Variants in PI4KA observed in about 807,000 individuals in gnomAD.
The protein encoded by PI4KA is PI4-kinase alpha.
In PI4KA, 122 loss-of-function variants were observed where a neutral mutation model predicts 271.4. The observed-to-expected ratio is 0.45, with a 90% CI of 0.39 to 0.52. The LOEUF (loss-of-function observed/expected upper bound fraction) is 0.52, where lower values mean the gene tolerates loss of function less well. PI4KA is among the 20% of genes least tolerant of loss of function. The pLI is 0.00. For missense variants in PI4KA, 1,969 were observed against 2,769.1 expected (o/e 0.71, Z 6.48); for synonymous variants, 1,041 against 1,078.8 (o/e 0.96, Z 0.69).
intron 1 of PI4KA, among the ~76,000 whole-genome samples, chr22:20,842,832 C>T (rs1925729280): frequency 1.4e-5 from 2 of 147,696 alleles, no homozygotes; most frequent in African/African-American, 5.0e-5. Context: ...AAAAAAAGGC[C>T]GGGCGCAGTG....
intron 10 of PI4KA, among the ~76,000 whole-genome samples, chr22:20,806,883 A>G (rs562780604): frequency 6.6e-6 from 1 of 151,684 alleles, no homozygotes; most frequent in African/African-American, 2.4e-5. Context: ...GGTGCATGCC[A>G]CTGCGCCTGG....
chr22:20,849,389 C>T lies in PI4KA; in HGVS notation c.156+9181G>A, dbSNP rs141748027. On this transcript the variant is annotated intron_variant, in intron 1 of 54. Transcript: ENST00000255882. Reference sequence around the variant, plus strand: ...AAATATGTCTACAGAAACACTTGTACGTGAATTTCCATAGCAGCGTTATTT... The same window carrying T: ...AAATATGTCTACAGAAACACTTGTATGTGAATTTCCATAGCAGCGTTATTT... Among the ~76,000 whole-genome samples, 1,364 of 152,222 alleles carry T rather than the reference C, an allele frequency of 9.0e-3. 19 individuals carry two copies. Among genetic ancestry groups the T allele is most frequent in the African/African-American group, 0.031 (1,303 of 41,520 alleles).
At position 20,729,329 on chromosome 22, in the gene PI4KA, C is replaced by T. The variant is rs144363917; in HGVS notation, c.4666G>A (p.Val1556Met). 377 of 1,613,446 alleles carry T rather than the reference C, an allele frequency of 2.3e-4. No individual in the cohort carries two copies. Among genetic ancestry groups the T allele is most frequent in the Admixed American group, 4.3e-4 (26 of 59,992 alleles). The change falls in exon 39 of 55, where the codon GTG becomes ATG. Residue 1556 changes from valine (V) to methionine (M), a missense_variant. Physicochemically the swap from Val to Met is conservative, Grantham distance 21. Coordinates refer to ENST00000255882, the MANE Select transcript of PI4KA (RefSeq NM_058004.4). The stretch of plus-strand genomic sequence containing the variant: ...GGGGCCCACCTGGCAGGCAGCTGCA[C>T]GGCTAGGTAGGGAGAGATGCTCCAG... ...LAWSISPYLA[V>M]QLPARFKNTE...
rs185894283 is a variant in PI4KA at position 20,716,977 on chromosome 22, G to A, written c.5317+731C>T. Among the ~76,000 whole-genome samples the A allele has an allele frequency of 5.6e-3, 853 of 152,274 alleles. 5 individuals are homozygous for A. Among genetic ancestry groups the A allele is most frequent in the African/African-American group, 0.019 (791 of 41,556 alleles). The stretch of plus-strand genomic sequence containing the variant: ...AATGCAGAGAGAGGCCGGGCACAGT[G>A]GCTCATGCCTGTAATCCTAGCACTT... On this transcript the variant is annotated intron_variant, in intron 45 of 54. Transcript: ENST00000255882.
chr22:20,755,416 T>C (rs1479530966), intron 23 of PI4KA, among the ~76,000 whole-genome samples: 2 of 152,214 alleles, frequency 1.3e-5, no homozygotes, highest in African/African-American at 4.8e-5. Flanking sequence ...CATGGAGCCC[T>C]GGTTCCTTTT....
intron 7 of PI4KA, among the ~76,000 whole-genome samples, chr22:20,815,140 T>C (rs1227147078): frequency 6.6e-6 from 1 of 152,060 alleles, no homozygotes; most frequent in Non-Finnish European, 1.5e-5. Flanking sequence ...CCCAGTACTT[T>C]GGGAGGCCGA....
chr22:20,762,094 AT>A (rs1932025542), intron 22 of PI4KA, among the ~76,000 whole-genome samples: 1 of 152,098 alleles, frequency 6.6e-6, no homozygotes, highest in African/African-American at 2.4e-5. Context: ...GGTAAAAAAA[AT>A]ATCTTTAACC....
chr22:20,819,555 C>T, intron 6 of PI4KA, 86 bp downstream of exon 6: 2 of 1,258,680 alleles, frequency 1.6e-6, no homozygotes, highest in Non-Finnish European at 1.1e-6. Context: ...TAAGTTTACT[C>T]CAACTACAAA....
intron 16 of PI4KA, 54 bp from the exon 17 acceptor site, chr22:20,798,741 T>A: frequency 2.6e-6 from 3 of 1,135,588 alleles, no homozygotes; most frequent in Non-Finnish European, 4.0e-6. Flanking sequence ...ATGAGGCCCC[T>A]CCTGTCATCA....
chr22:20,786,489 T>A (rs1193274130), intron 19 of PI4KA, among the ~76,000 whole-genome samples: 2 of 152,164 alleles, frequency 1.3e-5, no homozygotes, highest in Non-Finnish European at 2.9e-5. Flanking sequence ...CACCGCACTA[T>A]ACACATACTT....
chr22:20,791,626 T>A (rs1934651077), intron 19 of PI4KA, among the ~76,000 whole-genome samples: 1 of 151,950 alleles, frequency 6.6e-6, no homozygotes, highest in East Asian at 1.9e-4. Flanking sequence ...AGAATGGTGA[T>A]GTGCACCTGT....
intron 19 of PI4KA, among the ~76,000 whole-genome samples, chr22:20,770,496 G>T (rs1333400879): frequency 9.5e-6 from 1 of 104,884 alleles, no homozygotes; most frequent in Non-Finnish European, 1.8e-5. Flanking sequence ...CTGGGCAACA[G>T]AGCAAAAACT....
At chr22:20,858,482 G>C (rs542989125) in intron 1 of PI4KA, 88 bp downstream of exon 1, 1 of 982,868 alleles carries the variant, frequency 1.0e-6, no homozygotes, top group Non-Finnish European at 1.3e-6. Context: ...GCCCAGCCTC[G>C]GCCTCCCACA....
intron 2 of PI4KA, among the ~76,000 whole-genome samples, chr22:20,837,553 A>G (rs1184914517): frequency 6.6e-6 from 1 of 152,190 alleles, no homozygotes; most frequent in Non-Finnish European, 1.5e-5. Flanking sequence ...ATTAGAGCAA[A>G]ATTTCCAGGA....
At chr22:20,785,001 C>T (rs571002847) in intron 19 of PI4KA, among the ~76,000 whole-genome samples, 1 of 152,122 alleles carries the variant, frequency 6.6e-6, no homozygotes, top group African/African-American at 2.4e-5. Flanking sequence ...TTAACAACGT[C>T]CCTTCTGTAC....
At chr22:20,796,427 C>T in intron 17 of PI4KA, 113 bp from the exon 18 acceptor site, 2 of 868,486 alleles carry the variant, frequency 2.3e-6, no homozygotes, top group South Asian at 1.6e-5. Context: ...TGCCTTACCA[C>T]ACTCCTCCCA....
chr22:20,858,517 C>A, intron 1 of PI4KA, 53 bp downstream of exon 1: 1 of 1,242,076 alleles, frequency 8.1e-7, no homozygotes, highest in Non-Finnish European at 1.0e-6. Context: ...CTCCACGCTT[C>A]GTCACCCCAG....
intron 32 of PI4KA, among the ~76,000 whole-genome samples, chr22:20,734,902 CGGGAAGACCCCTCTGT>C (rs1310445470): frequency 1.3e-5 from 2 of 152,148 alleles, no homozygotes; most frequent in African/African-American, 2.4e-5. Flanking sequence ...TGGCTGTGAG[CGGGAAGACCCCTCTGT>C]GGGATGCTGA....
intron 54 of PI4KA, among the ~76,000 whole-genome samples, chr22:20,708,432 G>A (rs1335949488): frequency 3.5e-4 from 48 of 137,922 alleles, no homozygotes; most frequent in African/African-American, 8.1e-4. Flanking sequence ...GCCCCTTCTC[G>A]CCCTGCCCCA....
Sources: allele counts gnomAD v4.1 joint callset (sites outside exome capture counted in the v4.1 genomes callset), GRCh38; gene constraint gnomAD v4.1.1; transcripts MANE v1.5; gene names NCBI Gene and HGNC (gene_info 2026-07-23, HGNC 2026-07-21).